The following C11orf65 variants were observed in gnomAD, a reference collection of about 807,000 sequenced individuals.
C11orf65 encodes chromosome 11 open reading frame 65, also known as protein MFI.
In C11orf65, 38 loss-of-function variants were observed where a neutral mutation model predicts 35.3. That is an observed-to-expected ratio of 1.08 (90% CI 0.83 to 1.41). C11orf65 has a LOEUF of 1.41. Among genes scored for constraint, C11orf65 ranks in the 40% most tolerant of loss-of-function variants. The probability of loss-of-function intolerance (pLI) is 0.00; values close to 1 mark genes in which losing one functional copy is unlikely to be tolerated. For synonymous variants in C11orf65, 105 were observed against 114.4 expected (o/e 0.92, Z 0.53); for missense variants, 370 against 367.1 (o/e 1.01, Z -0.06).
chr11:108,420,725 G>A (rs921373261), intron 3 of C11orf65, among the ~76,000 whole-genome samples: 1 of 152,014 alleles, frequency 6.6e-6, no homozygotes. Flanking sequence ...TCCTCAAATT[G>A]AGCCAAATAT....
rs368937401 is a variant in C11orf65 at position 108,406,734 on chromosome 11, G to A, written c.429+29C>T. On this transcript the variant is annotated intron_variant, in intron 5 of 8. Transcript: ENST00000393084. ...ACAAATGGGTTTCTAAATACGTAAG[G>A]TTAAAAATTAACATTTCTCTTTTCT... 4.8e-6 allele frequency: 7 copies of A among 1,443,478 alleles called. No homozygotes were observed. The African/African-American group carries it at 7.0e-5, about 14-fold the overall frequency. 89.4% of individuals were successfully genotyped at this position (1,443,478 alleles called of 1,614,324 possible). A position where few individuals can be genotyped will look rare whatever the true frequency, so the allele number is the denominator to read the frequency against.
intron 5 of C11orf65, 78 bp from the exon 6 acceptor site, chr11:108,405,637 T>C (rs2092527644): frequency 1.4e-6 from 2 of 1,417,012 alleles, no homozygotes; most frequent in Admixed American, 1.8e-5. Flanking sequence ...CAAGAACTTC[T>C]ATGTGTTCAG....
chr11:108,451,524 G>A (rs1020309432), intron 2 of C11orf65, among the ~76,000 whole-genome samples: 4 of 151,840 alleles, frequency 2.6e-5, no homozygotes, highest in Non-Finnish European at 5.9e-5. Flanking sequence ...ACAAATGGAA[G>A]AACATTCCAT....
intron 2 of C11orf65, among the ~76,000 whole-genome samples, chr11:108,374,590 C>G (rs559676039): frequency 1.4e-3 from 207 of 152,320 alleles, no homozygotes; most frequent in Non-Finnish European, 2.3e-3. Context: ...CTCTCCTCCT[C>G]CAAAGGAACG....
At chr11:108,401,104 G>A (rs140418141) in intron 6 of C11orf65, among the ~76,000 whole-genome samples, 1,868 of 149,202 alleles carry the variant, frequency 0.013, 35 homozygotes, top group East Asian at 0.085. Flanking sequence ...GTGAGACTCC[G>A]TCTCAAAGAA....
chr11:108,327,456 A>C (rs371819297), downstream of C11orf65: 4 of 554,352 alleles, frequency 7.2e-6, no homozygotes, highest in East Asian at 3.2e-5. Context: ...AATAATAAAC[A>C]GAGGATGATC....
intron 2 of C11orf65, among the ~76,000 whole-genome samples, chr11:108,437,240 T>C (rs1244965297): frequency 3.3e-5 from 5 of 152,006 alleles, no homozygotes; most frequent in Non-Finnish European, 7.4e-5. Flanking sequence ...TGAGCTATGA[T>C]TGCACCACTG....
At chr11:108,325,134 G>T (rs1391580937) in intron 6 of C11orf65, among the ~76,000 whole-genome samples, 1 of 151,572 alleles carries the variant, frequency 6.6e-6, no homozygotes, top group East Asian at 1.9e-4. Context: ...ATAGCATTTT[G>T]TAGTTTTCTA....
chr11:108,454,478 A>G (rs1324168660), intron 2 of C11orf65, among the ~76,000 whole-genome samples: 1 of 151,948 alleles, frequency 6.6e-6, no homozygotes, highest in East Asian at 1.9e-4. Context: ...TTGTATTTTT[A>G]GTAGAGACGA....
At chr11:108,325,179 C>G (rs1436206180) in intron 6 of C11orf65, 4 of 643,688 alleles carry the variant, frequency 6.2e-6, no homozygotes, top group African/African-American at 5.6e-5. Flanking sequence ...TTTACAAGTT[C>G]TAGTCTTGTC....
chr11:108,325,187 G>A, intron 6 of C11orf65: 2 of 674,096 alleles, frequency 3.0e-6, no homozygotes, highest in Non-Finnish European at 4.9e-6. Flanking sequence ...TTCTAGTCTT[G>A]TCACTACAAA....
chr11:108,405,554 C>A lies in C11orf65; in HGVS notation c.435G>T (p.Trp145Cys). 2 of 1,611,418 alleles carry A rather than the reference C, an allele frequency of 1.2e-6. No homozygotes were observed. Among genetic ancestry groups the A allele is most frequent in the East Asian group, 2.2e-5 (1 of 44,818 alleles). ...CCACCACCATACCATCAGTAGATAGCCAAAACTATTGAGAAACAAAAATGA... is the reference window on the plus strand; with the variant it reads ...CCACCACCATACCATCAGTAGATAGACAAAACTATTGAGAAACAAAAATGA... ...NGWRPVSDTF[W>C]LSTDGMVVED... Residue 145 changes from tryptophan to cysteine, a missense_variant, in exon 6 of 9, where the codon TGG (tryptophan) becomes TGT (cysteine). By Grantham distance (215) the Trp-to-Cys change is radical. Coordinates refer to ENST00000393084, the MANE Select transcript of C11orf65 (RefSeq NM_152587.5).
At position 108,345,729 on chromosome 11, in the gene C11orf65, T is replaced by A; in HGVS notation, c.227-10437A>T. 1.3e-6 allele frequency: 2 copies of A among 1,547,668 alleles called. No individual in the cohort carries two copies. On this transcript the variant is annotated intron_variant, in intron 2 of 3. Transcript: ENST00000524755. ...CAATATTGAAAAATAATTATATATA[T>A]TCTCTATTTAAAGGAGGTGCAAAAA...
chr11:108,406,264 T>A (rs1165280656), intron 5 of C11orf65, among the ~76,000 whole-genome samples: 31 of 152,212 alleles, frequency 2.0e-4, no homozygotes, highest in Admixed American at 2.0e-3. Context: ...ATGAATGAAT[T>A]CATACCTTGA....
intron 2 of C11orf65, among the ~76,000 whole-genome samples, chr11:108,456,432 T>C (rs1432108802): frequency 6.6e-6 from 1 of 152,102 alleles, no homozygotes; most frequent in Non-Finnish European, 1.5e-5. Flanking sequence ...GGAAAATATC[T>C]TCTGACTAGG....
chr11:108,447,535 C>T (rs1454300914), intron 2 of C11orf65, among the ~76,000 whole-genome samples: 1 of 152,162 alleles, frequency 6.6e-6, no homozygotes, highest in Non-Finnish European at 1.5e-5. Context: ...TGAATGACTA[C>T]TGGGTACATA....
chr11:108,358,170 C>T (rs948427907), intron 2 of C11orf65, among the ~76,000 whole-genome samples: 7 of 150,492 alleles, frequency 4.7e-5, no homozygotes, highest in East Asian at 1.9e-4. Context: ...GGAGCCGATG[C>T]GATCAACTGG....
intron 7 of C11orf65, among the ~76,000 whole-genome samples, chr11:108,389,401 C>T (rs564769067): frequency 1.3e-5 from 2 of 152,068 alleles, no homozygotes; most frequent in Non-Finnish European, 2.9e-5. Context: ...TGAAATATAC[C>T]CAGATAATCA....
chr11:108,434,336 CT>C (rs1165406884), intron 2 of C11orf65, among the ~76,000 whole-genome samples: 1 of 151,908 alleles, frequency 6.6e-6, no homozygotes, highest in African/African-American at 2.4e-5. Flanking sequence ...GAAACCACAT[CT>C]CTACTAAAAA....
Sources: gnomAD v4.1 joint callset for allele counts (sites outside exome capture counted in the v4.1 genomes callset) on GRCh38, gnomAD v4.1.1 for gene constraint, MANE v1.5 for transcripts, NCBI Gene and HGNC (gene_info 2026-07-23, HGNC 2026-07-21) for gene names.